Variants in SPATA31E1 observed in about 807,000 individuals in gnomAD.
SPATA31E1 encodes SPATA31 subfamily E member 1, also known as spermatogenesis-associated protein 31E1.
SPATA31E1 carries 7 observed loss-of-function variants against 12.9 expected under a neutral mutation model. The ratio of observed to expected loss-of-function variants is 0.54; its 90% CI spans 0.31 to 1.02. The LOEUF (loss-of-function observed/expected upper bound fraction) is 1.02, where lower values mean the gene tolerates loss of function less well. Ranked by LOEUF, SPATA31E1 falls within the 50% of genes least tolerant of loss-of-function variation. The pLI is 0.05. For synonymous variants in SPATA31E1, 771 were observed against 719.0 expected, an observed-to-expected ratio of 1.07 and a Z score of -1.16; for missense variants, 1,961 against 1,799.8, an observed-to-expected ratio of 1.09 and a Z score of -1.62.
rs943155444 is a variant in SPATA31E1 at position 87,886,667 on chromosome 9, T to C, written c.2180T>C (p.Val727Ala). The C allele has an allele frequency of 1.2e-6, 2 of 1,613,864 alleles. No homozygotes were observed. The highest frequency in any genetic ancestry group is 1.7e-6 in the Non-Finnish European group (2 of 1,180,020). Reference sequence around the variant, plus strand: ...GATCAAGGCTCAGGAAGGACCTCAGTGAAGGCTCTGGACGAAGACAAGGAG... The same window carrying C: ...GATCAAGGCTCAGGAAGGACCTCAGCGAAGGCTCTGGACGAAGACAAGGAG... ...SRDQGSGRTS[V>A]KALDEDKEAE... Residue 727 changes from valine to alanine, a missense_variant, in exon 4 of 4, where the codon GTG (valine) becomes GCG (alanine). Transcript: ENST00000325643.
chr9:87,886,255 G>A lies in SPATA31E1; in HGVS notation c.1768G>A (p.Ala590Thr). 6.2e-7 allele frequency: 1 copy of A among 1,613,898 alleles called. No individual in the cohort carries two copies. The highest frequency in any genetic ancestry group is 2.2e-5 in the East Asian group (1 of 44,868). The change falls in exon 4 of 4, where the codon GCT becomes ACT. Residue 590 changes from alanine (A) to threonine (T), a missense_variant. Coordinates refer to ENST00000325643, the MANE Select transcript of SPATA31E1 (RefSeq NM_178828.5). ...VLPSLLKKSQAVLSQPTAHLP... is the reference protein window; with the variant it reads ...VLPSLLKKSQTVLSQPTAHLP... Reference sequence around the variant, plus strand: ...GCCCTCTCTCCTCAAAAAGTCTCAGGCTGTTCTGAGCCAGCCCACTGCCCA... The same window carrying A: ...GCCCTCTCTCCTCAAAAAGTCTCAGACTGTTCTGAGCCAGCCCACTGCCCA...
chr9:87,888,068 G>C lies in SPATA31E1; in HGVS notation c.3581G>C (p.Ser1194Thr). 1.2e-6 allele frequency: 2 copies of C among 1,603,730 alleles called. No individual in the cohort carries two copies. Among genetic ancestry groups the C allele is most frequent in the South Asian group, 1.1e-5 (1 of 90,154 alleles). Residue 1194 changes from serine to threonine, a missense_variant, in exon 4 of 4, where the codon AGT becomes ACT. By Grantham distance (58) the Ser-to-Thr change is moderately conservative (BLOSUM62 1). Coordinates refer to ENST00000325643, the MANE Select transcript of SPATA31E1 (RefSeq NM_178828.5). ...CCAAAAGCAAAGGCCCCACAGAAGA[G>C]TCAGAAGACGCTGGGCTGTGCGGAC... is the stretch of plus-strand genomic sequence containing the variant. ...GSPKAKAPQK[S>T]QKTLGCADKG... is the part of the protein sequence containing the mutation.
chr9:87,887,064 T>C lies in SPATA31E1; in HGVS notation c.2577T>C (p.Asn859=). The C allele has an allele frequency of 6.2e-7, 1 of 1,614,060 alleles. No homozygotes were observed. ...ACCTCCAGTCCCTGGAGCCCATAAATGTCTGGTCAGGTGAGGCTCAGGCCC... is the reference window on the plus strand; with the variant it reads ...ACCTCCAGTCCCTGGAGCCCATAAACGTCTGGTCAGGTGAGGCTCAGGCCC... ...GTDLQSLEPI[N]VWSGEAQAPP... is the part of the protein sequence containing the mutation. Residue 859 remains asparagine (N), a synonymous_variant, in exon 4 of 4, where the codon AAT becomes AAC. Coordinates refer to ENST00000325643, the MANE Select transcript of SPATA31E1 (RefSeq NM_178828.5).
Position 87,885,913 on chromosome 9 carries a change from A to C in SPATA31E1, c.1426A>C (p.Thr476Pro). ...CTCTGTACCACTGGATAAAGCCTCC[A>C]CTTCTCTTCCAGGTGAACCTGAGGT... ...AHSVPLDKAS[T>P]SLPGEPEVEA... Residue 476 changes from threonine to proline, a missense_variant, in exon 4 of 4, where the codon ACT becomes CCT. Thr to Pro is a conservative substitution (Grantham distance 38). Transcript: ENST00000325643. 2 of 1,613,902 alleles carry C rather than the reference A, an allele frequency of 1.2e-6. No individual in the cohort carries two copies. The highest frequency in any genetic ancestry group is 2.2e-5 in the South Asian group (2 of 91,060).
At position 87,888,290 on chromosome 9, in the gene SPATA31E1, G is replaced by A; in HGVS notation, c.3803G>A (p.Ser1268Asn). ...GAAAGCCACTTCCAGAGAAAGATCA[G>A]TCACCATCCACAGGGTCTACACCCC... ...PPESHFQRKI[S>N]HHPQGLHPRK... Residue 1268 changes from serine to asparagine, a missense_variant, in exon 4 of 4, where the codon AGT becomes AAT. Ser to Asn is a conservative substitution (Grantham distance 46). Transcript: ENST00000325643. 1.9e-6 allele frequency: 3 copies of A among 1,614,168 alleles called. No individual in the cohort carries two copies. Among genetic ancestry groups the A allele is most frequent in the Non-Finnish European group, 2.5e-6 (3 of 1,180,032 alleles).
At position 87,887,353 on chromosome 9, in the gene SPATA31E1, AG is replaced by A. The variant is rs756507174; in HGVS notation, c.2871del (p.Cys958ValfsTer29). 2 of 1,613,702 alleles carry A rather than the reference AG, an allele frequency of 1.2e-6. No homozygotes were observed. The highest frequency in any genetic ancestry group is 1.7e-6 in the Non-Finnish European group (2 of 1,180,038). On this transcript the variant is annotated frameshift_variant, in exon 4 of 4. Transcript: ENST00000325643. LOFTEE classifies it low-confidence loss of function (END_TRUNC). ...GGCCTTTCCGACTGGACACAAGGGC[AG>A]GGGGTGTTCTCAGCCCCCAACATGC... ...SEAFPTGHKG[R>X]GCSQPPTCSL...
rs760126322 is a variant in SPATA31E1 at position 87,884,046 on chromosome 9, G to A, written c.364G>A (p.Ala122Thr). 2 of 1,600,738 alleles carry A rather than the reference G, an allele frequency of 1.2e-6. No individual in the cohort carries two copies. The highest frequency in any genetic ancestry group is 1.7e-6 in the Non-Finnish European group (2 of 1,172,530). The change falls in exon 2 of 4, where the codon GCT becomes ACT. Residue 122 changes from alanine to threonine, a missense_variant and splice_region_variant. Physicochemically the swap from Ala to Thr is moderately conservative, Grantham distance 58. Coordinates refer to ENST00000325643, the MANE Select transcript of SPATA31E1 (RefSeq NM_178828.5). ...SRSRKISALK[A>T]CRILLRELEE... ...GAGCAGGAAGATCTCAGCTCTGAAA[G>A]GTGAGGCTCTGCTGCCCCCCGGGAC...
Position 87,883,140 on chromosome 9 carries a change from C to T in SPATA31E1, c.249C>T (p.Leu83=), listed in dbSNP as rs749585307. ...VCGLVLLFLL[L]LYVHSDPPSP... is the part of the protein sequence containing the mutation. ...GCCTAGTGCTCCTCTTCCTATTGCT[C>T]CTCTACGTCCACAGTGACCCACCCT... Residue 83 remains leucine (L), a synonymous_variant, in exon 1 of 4, where the codon CTC becomes CTT. Coordinates refer to ENST00000325643, the MANE Select transcript of SPATA31E1 (RefSeq NM_178828.5). The T allele has an allele frequency of 5.0e-6, 8 of 1,597,682 alleles. No homozygotes were observed. The highest frequency in any genetic ancestry group is 6.0e-6 in the Non-Finnish European group (7 of 1,171,066).
rs2117874598 is a variant in SPATA31E1, at chr9:87,884,824, GAGGAACCGGGGGCCCC to G, written c.426-85_426-70del. On this transcript the variant is annotated intron_variant, in intron 3 of 3. Coordinates refer to ENST00000325643, the MANE Select transcript of SPATA31E1 (RefSeq NM_178828.5). ...TATGAAGTCAGCAGTTGGGGAGGTG[GAGGAACCGGGGGCCCC>G]AGGTGCCCACCCGTCCCAGCTTCCC... 4.7e-6 allele frequency: 7 copies of G among 1,478,310 alleles called. No individual in the cohort carries two copies. The East Asian group carries it at 1.7e-4, about 35-fold the overall frequency. 91.6% of individuals were successfully genotyped at this position (1,478,310 alleles called of 1,614,324 possible).
chr9:87,888,273 C>T lies in SPATA31E1; in HGVS notation c.3786C>T (p.His1262=), dbSNP rs1411717502. ...AGGGACAGACACCACCAGAAAGCCA[C>T]TTCCAGAGAAAGATCAGTCACCATC... ...LEKGQTPPES[H]FQRKISHHPQ... The change falls in exon 4 of 4, where the codon CAC becomes CAT. Residue 1262 remains histidine (H), a synonymous_variant. Transcript: ENST00000325643. The T allele has an allele frequency of 6.2e-6, 10 of 1,614,182 alleles. No homozygotes were observed. The African/African-American group carries it at 9.3e-5, about 15-fold the overall frequency.
rs1034069432 is a variant in SPATA31E1, at chr9:87,885,909, C to T, written c.1422C>T (p.Ala474=). The change falls in exon 4 of 4, where the codon GCC becomes GCT. Residue 474 remains alanine, a synonymous_variant. Coordinates refer to ENST00000325643, the MANE Select transcript of SPATA31E1 (RefSeq NM_178828.5). ...QNAHSVPLDK[A]STSLPGEPEV... ...CACACTCTGTACCACTGGATAAAGC[C>T]TCCACTTCTCTTCCAGGTGAACCTG... is the stretch of plus-strand genomic sequence containing the variant. 21 of 1,613,912 alleles carry T rather than the reference C, an allele frequency of 1.3e-5. No individual in the cohort carries two copies. The highest frequency in any genetic ancestry group is 1.7e-5 in the Non-Finnish European group (20 of 1,180,042).
Position 87,887,346 on chromosome 9 carries a change from C to G in SPATA31E1, c.2859C>G (p.His953Gln). The G allele has an allele frequency of 6.2e-7, 1 of 1,613,772 alleles. No individual in the cohort carries two copies. The highest frequency in any genetic ancestry group is 8.5e-7 in the Non-Finnish European group (1 of 1,180,026). ...GATCAGAGGCCTTTCCGACTGGACA[C>G]AAGGGCAGGGGGTGTTCTCAGCCCC... is the stretch of plus-strand genomic sequence containing the variant. ...HGRSEAFPTG[H>Q]KGRGCSQPPT... The change falls in exon 4 of 4, where the codon CAC becomes CAG. Residue 953 changes from histidine (H) to glutamine (Q), a missense_variant. Physicochemically the swap from His to Gln is conservative, Grantham distance 24. Coordinates refer to ENST00000325643, the MANE Select transcript of SPATA31E1 (RefSeq NM_178828.5).
Position 87,883,137 on chromosome 9 carries a change from G to A in SPATA31E1, c.246G>A (p.Leu82=), listed in dbSNP as rs1828198787. Reference sequence around the variant, plus strand: ...GTGGCCTAGTGCTCCTCTTCCTATTGCTCCTCTACGTCCACAGTGACCCAC... The same window carrying A: ...GTGGCCTAGTGCTCCTCTTCCTATTACTCCTCTACGTCCACAGTGACCCAC... ...SVCGLVLLFL[L]LLYVHSDPPS... Residue 82 remains leucine (L), a synonymous_variant, in exon 1 of 4, where the codon TTG becomes TTA. Transcript: ENST00000325643. 1 of 1,598,778 alleles carries A rather than the reference G, an allele frequency of 6.3e-7. No individual in the cohort carries two copies. Among genetic ancestry groups the A allele is most frequent in the Non-Finnish European group, 8.5e-7 (1 of 1,171,938 alleles).
intron 3 of SPATA31E1, 45 bp downstream of exon 3, chr9:87,884,696 G>C (rs772719716): frequency 6.2e-7 from 1 of 1,608,180 alleles, no homozygotes; most frequent in Non-Finnish European, 8.5e-7. Context: ...TCCTACCAGG[G>C]CCTCTGATGC....
rs1828202846 is a variant in SPATA31E1, at chr9:87,883,318, C to T, written c.309+118C>T. ...TGTGATGGGAAATCTCGTCATCCCT[C>T]TAGGGAAGGGCAAGGCAGGCAGGGG... On this transcript the variant is annotated intron_variant, in intron 1 of 3. Transcript: ENST00000325643. The T allele has an allele frequency of 2.8e-6, 4 of 1,421,688 alleles. No homozygotes were observed. In the East Asian group the frequency reaches 7.0e-5, roughly 25 times the overall value. The allele number at this position is 1,421,688 out of a possible 1,614,324, so 88.1% of individuals were successfully genotyped here.
rs1274602734 is a variant in SPATA31E1, at chr9:87,885,650, A to C, written c.1163A>C (p.His388Pro). 6.2e-7 allele frequency: 1 copy of C among 1,613,714 alleles called. No homozygotes were observed. The highest frequency in any genetic ancestry group is 1.3e-5 in the African/African-American group (1 of 74,976). Residue 388 changes from histidine (H) to proline (P), a missense_variant, in exon 4 of 4, where the codon CAC (histidine) becomes CCC (proline). Transcript: ENST00000325643. ...WQEKERKRADHPHMTSLGKEW... is the reference protein window; with the variant it reads ...WQEKERKRADPPHMTSLGKEW... ...GAGAAAGAAAGAAAACGGGCCGACCACCCGCACATGACATCACTGGGGAAG... is the reference window on the plus strand; with the variant it reads ...GAGAAAGAAAGAAAACGGGCCGACCCCCCGCACATGACATCACTGGGGAAG...
rs201052734 is a variant in SPATA31E1 at position 87,887,956 on chromosome 9, T to A, written c.3469T>A (p.Ser1157Thr). The A allele has an allele frequency of 1.8e-5, 29 of 1,613,858 alleles. No individual in the cohort carries two copies. Among genetic ancestry groups the A allele is most frequent in the Non-Finnish European group, 2.3e-5 (27 of 1,180,030 alleles). ...QAPLSTSQSV[S>T]GKNMTASQGP... Reference sequence around the variant, plus strand: ...CCCTCTGTCCACCTCCCAGAGTGTGTCTGGTAAGAACATGACAGCTTCCCA... The same window carrying A: ...CCCTCTGTCCACCTCCCAGAGTGTGACTGGTAAGAACATGACAGCTTCCCA... Residue 1157 changes from serine to threonine, a missense_variant, in exon 4 of 4, where the codon TCT becomes ACT. By Grantham distance (58) the Ser-to-Thr change is moderately conservative. Transcript: ENST00000325643.
chr9:87,888,648 C>A lies in SPATA31E1; in HGVS notation c.4161C>A (p.His1387Gln), dbSNP rs138857078. Residue 1387 changes from histidine to glutamine, a missense_variant, in exon 4 of 4, where the codon CAC (histidine) becomes CAA (glutamine). By Grantham distance (24) the His-to-Gln change is conservative (BLOSUM62 0). Coordinates refer to ENST00000325643, the MANE Select transcript of SPATA31E1 (RefSeq NM_178828.5). ...CSPKATPKGH[H>Q]CPVKNRGIRD... ...CTAAAGCCACCCCCAAGGGCCACCA[C>A]TGTCCTGTCAAAAACAGGGGCATCA... 1 of 1,614,152 alleles carries A rather than the reference C, an allele frequency of 6.2e-7. No homozygotes were observed. The highest frequency in any genetic ancestry group is 1.7e-5 in the Admixed American group (1 of 60,020).
intron 2 of SPATA31E1, 118 bp from the exon 3 acceptor site, chr9:87,884,473 G>A: frequency 9.6e-7 from 1 of 1,040,280 alleles, no homozygotes; most frequent in South Asian, 1.4e-5. Flanking sequence ...CTCGGACACA[G>A]ATGCGAGGGC....
Sources: allele counts gnomAD v4.1 joint callset, GRCh38; gene constraint gnomAD v4.1.1; transcripts MANE v1.5; gene names NCBI Gene and HGNC (gene_info 2026-07-23, HGNC 2026-07-21).